The following PUM1 variants were observed in gnomAD, a reference collection of about 807,000 sequenced individuals.
PUM1 encodes pumilio RNA binding family member 1.
In PUM1, 13 loss-of-function variants were observed where a neutral mutation model predicts 131.8. The observed-to-expected ratio is 0.10, with a 90% CI of 0.06 to 0.16. The LOEUF is 0.16. Among genes scored for constraint, PUM1 ranks in the 10% least tolerant of loss-of-function variants. The pLI, the probability that PUM1 is intolerant of heterozygous loss-of-function variation, is 1.00. For synonymous variants in PUM1, 509 were observed against 556.5 expected, an observed-to-expected ratio of 0.91 and a Z score of 1.20; for missense variants, 961 against 1,512.4, an observed-to-expected ratio of 0.64 and a Z score of 6.05.
At chr1:30,972,260 AAAGAAAAG>A (rs1169379246) in intron 10 of PUM1, among the ~76,000 whole-genome samples, 1 of 28,494 alleles carries the variant, frequency 3.5e-5, no homozygotes, top group African/African-American at 1.3e-4. Context: ...GTCAGAAAGA[AAAGAAAAG>A]AAGGGAAGGG....
intron 14 of PUM1, among the ~76,000 whole-genome samples, chr1:30,960,715 T>G (rs919224473): frequency 6.6e-6 from 1 of 151,946 alleles, no homozygotes; most frequent in African/African-American, 2.4e-5. Flanking sequence ...ACACCAAAAT[T>G]ACAAAGGAAA....
intron 2 of PUM1, among the ~76,000 whole-genome samples, chr1:31,029,831 G>A (rs1427388477): frequency 5.3e-5 from 8 of 149,918 alleles, no homozygotes; most frequent in Non-Finnish European, 1.0e-4. Context: ...GGAGGATCAC[G>A]TAAGCCCAGG....
chr1:30,976,176 C>T lies in PUM1; in HGVS notation c.1355-1374G>A, dbSNP rs557982782. The stretch of plus-strand genomic sequence containing the variant: ...GCAACAAAGTACAGCTGCAGTCGGC[C>T]ACATAAAGTACACAACAGAGATATA... On this transcript the variant is annotated intron_variant, in intron 9 of 21. Coordinates refer to ENST00000426105, the MANE Select transcript of PUM1 (RefSeq NM_001020658.2). Among the ~76,000 whole-genome samples, 6 of 152,090 alleles carry T rather than the reference C, an allele frequency of 3.9e-5. No homozygotes were observed. In the East Asian group the frequency reaches 9.7e-4, roughly 24 times the overall value.
Position 30,966,133 on chromosome 1 carries a change from G to C in PUM1, c.1935C>G (p.Phe645Leu), listed in dbSNP as rs1640610525. 2 of 1,614,016 alleles carry C rather than the reference G, an allele frequency of 1.2e-6. No individual in the cohort carries two copies. Among genetic ancestry groups the C allele is most frequent in the African/African-American group, 2.7e-5 (2 of 74,896 alleles). Reference protein sequence around the residue: ...QPNNNLASSSFYGNNSLNSNS... With the variant: ...QPNNNLASSSLYGNNSLNSNS... ...TGCTGTTCAGAGAGTTGTTGCCGTA[G>C]AAAGAACTGGATGCCAGGTTGTTAT... Residue 645 changes from phenylalanine to leucine, a missense_variant, in exon 13 of 22, where the codon TTC (phenylalanine) becomes TTG (leucine). Transcript: ENST00000426105.
intron 2 of PUM1, among the ~76,000 whole-genome samples, chr1:31,034,458 G>A (rs1643539075): frequency 1.3e-5 from 2 of 152,134 alleles, no homozygotes; most frequent in South Asian, 2.1e-4. Flanking sequence ...TGGCCAACAC[G>A]GTGAAATCCC....
Position 30,953,697 on chromosome 1 carries a change from C to A in PUM1, c.2591+17G>T. On this transcript the variant is annotated intron_variant, in intron 15 of 21. Transcript: ENST00000426105. ...TACAATTTCGGGTACCTTAAAGTGCCAAAGCCAAGTACTCACCTGGACCCA... is the reference window on the plus strand; with the variant it reads ...TACAATTTCGGGTACCTTAAAGTGCAAAAGCCAAGTACTCACCTGGACCCA... 6.2e-7 allele frequency: 1 copy of A among 1,612,722 alleles called. No homozygotes were observed. Among genetic ancestry groups the A allele is most frequent in the South Asian group, 1.1e-5 (1 of 91,054 alleles).
At chr1:30,967,103 A>C in intron 12 of PUM1, 64 bp downstream of exon 12, 2 of 1,586,130 alleles carry the variant, frequency 1.3e-6, no homozygotes, top group Non-Finnish European at 1.7e-6. Context: ...ACATACTTTA[A>C]GAATCTCACT....
At chr1:31,033,546 G>T (rs1043031988) in intron 2 of PUM1, among the ~76,000 whole-genome samples, 54 of 151,688 alleles carry the variant, frequency 3.6e-4, no homozygotes, top group Non-Finnish European at 6.5e-4. Context: ...CATATTTTTT[G>T]AAGAAGACGA....
At chr1:30,994,872 C>G (rs1319687560) in intron 6 of PUM1, among the ~76,000 whole-genome samples, 182 bp downstream of exon 6, 1 of 152,164 alleles carries the variant, frequency 6.6e-6, no homozygotes, top group East Asian at 1.9e-4. Flanking sequence ...GCATTGACAC[C>G]TTTTAGAAAA....
In PUM1 at chr1:30,966,067, C is replaced by T. The variant is rs757610687; in HGVS notation, c.2001G>A (p.Gln667=). The T allele has an allele frequency of 9.3e-6, 15 of 1,614,080 alleles. 1 individual carries two copies. In the East Asian group the frequency reaches 1.6e-4, roughly 17 times the overall value. The change falls in exon 13 of 22, where the codon CAG becomes CAA. Residue 667 remains glutamine, a synonymous_variant. Coordinates refer to ENST00000426105, the MANE Select transcript of PUM1 (RefSeq NM_001020658.2). ...SSSLFSQGSA[Q]PANTSLGFGS... is the part of the protein sequence containing the mutation. ...CGAATCCCAAGGATGTGTTGGCAGG[C>T]TGGGCAGAGCCCTGGGAGAAGAGGG...
At chr1:30,936,896 G>A in intron 20 of PUM1, 61 bp from the exon 21 acceptor site, 1 of 1,414,848 alleles carries the variant, frequency 7.1e-7, no homozygotes, top group South Asian at 1.3e-5. Context: ...GTGAGGCTGT[G>A]CTTGCCTAGC....
intron 14 of PUM1, among the ~76,000 whole-genome samples, chr1:30,961,856 C>T (rs972495383): frequency 2.6e-5 from 4 of 152,158 alleles, no homozygotes; most frequent in African/African-American, 9.7e-5. Context: ...GAGTATTCAA[C>T]ACAATGAATA....
chr1:31,064,404 G>A (rs184230792), intron 1 of PUM1, among the ~76,000 whole-genome samples: 1 of 152,170 alleles, frequency 6.6e-6, no homozygotes, highest in African/African-American at 2.4e-5. Flanking sequence ...GCCCCCCAGT[G>A]TTTTATAAAG....
At chr1:31,039,720 G>C (rs1570331545) in intron 2 of PUM1, among the ~76,000 whole-genome samples, 3 of 152,000 alleles carry the variant, frequency 2.0e-5, no homozygotes, top group Admixed American at 1.3e-4. Context: ...GGCTGACATG[G>C]TAAAACCCCG....
In PUM1 at chr1:30,936,697, G is replaced by A. The variant is rs769278762; in HGVS notation, c.3381C>T (p.Val1127=). The A allele has an allele frequency of 6.2e-7, 1 of 1,614,134 alleles. No homozygotes were observed. Among genetic ancestry groups the A allele is most frequent in the South Asian group, 1.1e-5 (1 of 91,068 alleles). The change falls in exon 21 of 22, where the codon GTC becomes GTT. Residue 1127 remains valine, a synonymous_variant. Coordinates refer to ENST00000426105, the MANE Select transcript of PUM1 (RefSeq NM_001020658.2). Reference sequence around the variant, plus strand: ...GCTCCGCCACGTCAATCATCTTCTGGACCACGTAGTTGGCATACTGGTCCT... The same window carrying A: ...GCTCCGCCACGTCAATCATCTTCTGAACCACGTAGTTGGCATACTGGTCCT... ...MMKDQYANYV[V]QKMIDVAEPG... is the part of the protein sequence containing the mutation.
intron 9 of PUM1, 108 bp from the exon 10 acceptor site, chr1:30,974,910 A>T: frequency 7.7e-6 from 6 of 782,062 alleles, no homozygotes; most frequent in Non-Finnish European, 1.2e-5. Flanking sequence ...ATATTAACTT[A>T]AAAGTATATA....
intron 14 of PUM1, among the ~76,000 whole-genome samples, chr1:30,957,276 G>GCC (rs1253408344): frequency 6.6e-6 from 1 of 152,064 alleles, no homozygotes; most frequent in East Asian, 1.9e-4. Context: ...TTAAATTTTT[G>GCC]CTCTAAATTG....
intron 2 of PUM1, among the ~76,000 whole-genome samples, chr1:31,038,203 TA>T (rs901692691): frequency 2.5e-3 from 349 of 142,010 alleles, no homozygotes; most frequent in Non-Finnish European, 2.3e-3. Context: ...AGCTAAAGGT[TA>T]AAAAAAAAAA....
At chr1:30,939,410 C>T (rs1198538474) in intron 20 of PUM1, among the ~76,000 whole-genome samples, 1 of 152,234 alleles carries the variant, frequency 6.6e-6, no homozygotes, top group Non-Finnish European at 1.5e-5. Context: ...CCCCTTCCGG[C>T]TCTCTCCCTT....
Sources: gnomAD v4.1 joint callset for allele counts (sites outside exome capture counted in the v4.1 genomes callset) on GRCh38, gnomAD v4.1.1 for gene constraint, MANE v1.5 for transcripts, NCBI Gene and HGNC (gene_info 2026-07-23, HGNC 2026-07-21) for gene names.